The following PANX3 variants were observed in gnomAD, a reference collection of about 807,000 sequenced individuals.
PANX3 encodes the protein pannexin-3.
A neutral mutation model predicts 31.5 loss-of-function variants in PANX3; 18 were observed. The observed-to-expected ratio is 0.57, with a 90% CI of 0.39 to 0.85. The LOEUF is 0.85. PANX3 is among the 40% of genes least tolerant of loss of function. The pLI, the probability that PANX3 is intolerant of heterozygous loss-of-function variation, is 0.00. For synonymous variants in PANX3, 194 were observed against 201.6 expected (o/e 0.96, Z 0.32); for missense variants, 426 against 485.4 (o/e 0.88, Z 1.15).
intron 1 of PANX3, 128 bp downstream of exon 1, chr11:124,611,865 A>G: frequency 9.7e-7 from 1 of 1,034,526 alleles, no homozygotes; most frequent in East Asian, 2.8e-5. Context: ...TGGATTATCC[A>G]AAAGGCAGAT....
At chr11:124,612,804 G>A (rs1038870572) in intron 1 of PANX3, among the ~76,000 whole-genome samples, 176 bp from the exon 2 acceptor site, 5 of 152,170 alleles carry the variant, frequency 3.3e-5, no homozygotes, top group African/African-American at 4.8e-5. Flanking sequence ...AGTGGGATGC[G>A]TCCAGGAGTG....
intron 3 of PANX3, 67 bp downstream of exon 3, chr11:124,617,555 T>C: frequency 1.3e-6 from 2 of 1,502,200 alleles, no homozygotes; most frequent in Non-Finnish European, 1.8e-6. Flanking sequence ...CTTTGCATAG[T>C]CATCTTTAAA....
chr11:124,615,548 G>A (rs1863143948), intron 2 of PANX3, among the ~76,000 whole-genome samples: 2 of 152,092 alleles, frequency 1.3e-5, no homozygotes, highest in Admixed American at 1.3e-4. Flanking sequence ...TCTAAATCCT[G>A]GCTCTCCCAC....
intron 3 of PANX3, among the ~76,000 whole-genome samples, chr11:124,619,094 T>C (rs966440214): frequency 2.6e-4 from 39 of 152,334 alleles, no homozygotes; most frequent in Middle Eastern, 3.4e-3. Context: ...GTTTATCACA[T>C]TGCAGTAAGT....
At position 124,619,905 on chromosome 11, in the gene PANX3, C is replaced by T. The variant is rs1165839571; in HGVS notation, c.1149C>T (p.Leu383=). 2 of 1,610,210 alleles carry T rather than the reference C, an allele frequency of 1.2e-6. No homozygotes were observed. The highest frequency in any genetic ancestry group is 3.4e-5 in the Admixed American group (2 of 59,176). The change falls in exon 4 of 4, where the codon CTC becomes CTT. Residue 383 remains leucine (L), a synonymous_variant. Transcript: ENST00000284288. The part of the protein sequence containing the change: ...AGLEPSKPKH[L]TNSACDEHP ...TAGAACCCTCAAAACCCAAACACCT[C>T]ACCAACTCGGCATGTGATGAACACC...
At position 124,612,920 on chromosome 11, in the gene PANX3, C is replaced by T. The variant is rs999469940; in HGVS notation, c.182-60C>T. On this transcript the variant is annotated intron_variant, in intron 1 of 3. Transcript: ENST00000284288. ...ACTGGGGAAGAGTTAGATGATTGCCCCTGAGTCCCCACTCCTCCACTCCAA... is the reference window on the plus strand; with the variant it reads ...ACTGGGGAAGAGTTAGATGATTGCCTCTGAGTCCCCACTCCTCCACTCCAA... 3.8e-6 allele frequency: 6 copies of T among 1,589,484 alleles called. No homozygotes were observed. In the African/African-American group the frequency reaches 8.1e-5, roughly 21 times the overall value.
intron 1 of PANX3, 73 bp downstream of exon 1, chr11:124,611,810 G>A (rs1210897039): frequency 1.3e-6 from 2 of 1,496,364 alleles, no homozygotes; most frequent in African/African-American, 2.8e-5. Flanking sequence ...GCTCTGAAGT[G>A]AGATGGTGCG....
chr11:124,615,571 C>T (rs1158716402), intron 2 of PANX3, among the ~76,000 whole-genome samples: 1 of 152,226 alleles, frequency 6.6e-6, no homozygotes, highest in East Asian at 1.9e-4. Context: ...ACTTGATGTA[C>T]AACCCTGCAC....
At position 124,612,433 on chromosome 11, in the gene PANX3, C is replaced by T. The variant is rs568118662; in HGVS notation, c.182-547C>T. ...TTACTACATTTCCCAAACAGGTGTG[C>T]CAGCCTCCCACCGCCTCTTTATTCA... On this transcript the variant is annotated intron_variant, in intron 1 of 3. Coordinates refer to ENST00000284288, the MANE Select transcript of PANX3 (RefSeq NM_052959.3). Among the ~76,000 whole-genome samples the T allele has an allele frequency of 6.6e-5, 10 of 152,248 alleles. No individual in the cohort carries two copies. In the South Asian group the frequency reaches 2.1e-3, roughly 32 times the overall value.
chr11:124,619,382 A>T lies in PANX3; in HGVS notation c.626A>T (p.Tyr209Phe), dbSNP rs1220522646. 1 of 1,613,798 alleles carries T rather than the reference A, an allele frequency of 6.2e-7. No homozygotes were observed. Among genetic ancestry groups the T allele is most frequent in the Non-Finnish European group, 8.5e-7 (1 of 1,180,014 alleles). Residue 209 changes from tyrosine (Y) to phenylalanine (F), a missense_variant, in exon 4 of 4, where the codon TAC (tyrosine) becomes TTC (phenylalanine). Transcript: ENST00000284288. ...KQRSHSLVAT[Y>F]LLRNSLLLIF... is the part of the protein sequence containing the mutation. ...CGTTCACATTCGCTAGTGGCTACCT[A>T]CCTCCTGAGGAACTCCCTCTTGCTC...
intron 1 of PANX3, 90 bp from the exon 2 acceptor site, chr11:124,612,890 C>T: frequency 6.6e-7 from 1 of 1,505,614 alleles, no homozygotes; most frequent in Non-Finnish European, 9.0e-7. Flanking sequence ...CTGCCAGAAA[C>T]AGAAACTGGG....
Position 124,613,129 on chromosome 11 carries a change from C to A in PANX3, c.324+7C>A. 2 of 1,612,318 alleles carry A rather than the reference C, an allele frequency of 1.2e-6. No homozygotes were observed. Among genetic ancestry groups the A allele is most frequent in the East Asian group, 2.2e-5 (1 of 44,870 alleles). Reference sequence around the variant, plus strand: ...ATCTCTCTGGCCCCACAAGGTAAAGCAAACTCTCTGTAAGGCCAGCTTCAC... The same window carrying A: ...ATCTCTCTGGCCCCACAAGGTAAAGAAAACTCTCTGTAAGGCCAGCTTCAC... On this transcript the variant is annotated splice_region_variant and intron_variant, in intron 2 of 3. Transcript: ENST00000284288.
intron 3 of PANX3, among the ~76,000 whole-genome samples, chr11:124,618,708 G>A (rs188718130): frequency 6.6e-6 from 1 of 152,156 alleles, no homozygotes; most frequent in Non-Finnish European, 1.5e-5. Context: ...GCAGTGGCAC[G>A]ATCTTGGCTC....
At chr11:124,613,576 C>T (rs1292504921) in intron 2 of PANX3, among the ~76,000 whole-genome samples, 1 of 152,160 alleles carries the variant, frequency 6.6e-6, no homozygotes, top group Non-Finnish European at 1.5e-5. Flanking sequence ...CCCAGCACGG[C>T]TCCCCTGCCT....
At chr11:124,615,218 G>T (rs1014858538) in intron 2 of PANX3, among the ~76,000 whole-genome samples, 1 of 152,018 alleles carries the variant, frequency 6.6e-6, no homozygotes, top group African/African-American at 2.4e-5. Flanking sequence ...GAGTAGCTGA[G>T]ACTACAGGCA....
rs138189636 is a variant in PANX3 at position 124,619,788 on chromosome 11, C to T, written c.1032C>T (p.Ser344=). 1.2e-6 allele frequency: 2 copies of T among 1,614,144 alleles called. No individual in the cohort carries two copies. Among genetic ancestry groups the T allele is most frequent in the Non-Finnish European group, 8.5e-7 (1 of 1,180,014 alleles). The change falls in exon 4 of 4, where the codon AGC becomes AGT. Residue 344 remains serine (S), a synonymous_variant. Transcript: ENST00000284288. ...ACATCTCTGAGCTCATCTCTTTTAG[C>T]TGGCTGAGTGTCTTATGTGTGTTGA... ...RANISELISF[S]WLSVLCVLKD... is the part of the protein sequence containing the mutation.
Position 124,619,506 on chromosome 11 carries a change from TG to T in PANX3, c.751del (p.Asp251MetfsTer8). ...GCTCCATCAAGACAGGGCTGCTAAG[TG>T]ATGAGACCCATGTCCCCAATCTGAT... ...SCSIKTGLLS[D>X]ETHVPNLITC... On this transcript the variant is annotated frameshift_variant, in exon 4 of 4. Coordinates refer to ENST00000284288, the MANE Select transcript of PANX3 (RefSeq NM_052959.3). LOFTEE classifies it high-confidence loss of function. The T allele has an allele frequency of 6.2e-7, 1 of 1,614,198 alleles. No individual in the cohort carries two copies. Among genetic ancestry groups the T allele is most frequent in the Non-Finnish European group, 8.5e-7 (1 of 1,180,036 alleles).
rs1032492586 is a variant in PANX3, at chr11:124,619,420, G to A, written c.664G>A (p.Ala222Thr). The A allele has an allele frequency of 5.0e-6, 8 of 1,614,038 alleles. No homozygotes were observed. Among genetic ancestry groups the A allele is most frequent in the East Asian group, 2.2e-5 (1 of 44,878 alleles). The change falls in exon 4 of 4, where the codon GCC becomes ACC. Residue 222 changes from alanine to threonine, a missense_variant. Transcript: ENST00000284288. ...CTCCCTCTTGCTCATCTTCACCTCC[G>A]CCACTTACCTATACCTTGGTCATTT... ...RNSLLLIFTS[A>T]TYLYLGHFHL...
At chr11:124,612,855 C>A in intron 1 of PANX3, 125 bp from the exon 2 acceptor site, 1 of 1,199,026 alleles carries the variant, frequency 8.3e-7, no homozygotes, top group Non-Finnish European at 1.2e-6. Context: ...ACCCAGAAGA[C>A]TAAGGTGTGG....
Sources: allele counts gnomAD v4.1 joint callset (sites outside exome capture counted in the v4.1 genomes callset), GRCh38; gene constraint gnomAD v4.1.1; transcripts MANE v1.5; gene names NCBI Gene and HGNC (gene_info 2026-07-23, HGNC 2026-07-21).